Variants in CABLES1 observed in about 807,000 individuals in gnomAD.
CABLES1 encodes the protein Cdk5 and Abl enzyme substrate 1, also known as CDK5 and ABL1 enzyme substrate 1.
A neutral mutation model predicts 57.8 loss-of-function variants in CABLES1; 36 were observed. The observed-to-expected ratio is 0.62, with a 90% CI of 0.48 to 0.82. CABLES1 has a LOEUF of 0.82. Ranked by LOEUF, CABLES1 falls within the 40% of genes least tolerant of loss-of-function variation. CABLES1 has a pLI of 0.00. For missense variants in CABLES1, 767 were observed against 836.6 expected (o/e 0.92, Z 1.03); for synonymous variants, 374 against 363.0 (o/e 1.03, Z -0.35).
chr18:23,252,839 CCAATGCAAG>C (rs1201471276), intron 7 of CABLES1, 112 bp from the exon 8 acceptor site: 1 of 644,282 alleles, frequency 1.6e-6, no homozygotes, highest in East Asian at 2.9e-5. Flanking sequence ...TGTTGTAGCT[CCAATGCAAG>C]TTTTCCCGTT....
At position 23,176,863 on chromosome 18, in the gene CABLES1, G is replaced by C. The variant is rs199889665; in HGVS notation, c.846-11975G>C. Among the ~76,000 whole-genome samples the C allele has an allele frequency of 3.9e-5, 6 of 152,228 alleles. No homozygotes were observed. The East Asian group carries it at 1.2e-3, about 29-fold the overall frequency. On this transcript the variant is annotated intron_variant, in intron 1 of 9. Transcript: ENST00000256925. ...GAGGAAGGTCATGCTGGACACCAAG[G>C]GGGAGACTCCAGGGAGCGTTTTACT...
intron 7 of CABLES1, among the ~76,000 whole-genome samples, chr18:23,239,272 C>T (rs1000851368): frequency 6.6e-6 from 1 of 152,230 alleles, no homozygotes; most frequent in Non-Finnish European, 1.5e-5. Flanking sequence ...AATTTCACTG[C>T]ATTGGCTCTG....
intron 2 of CABLES1, 109 bp downstream of exon 2, chr18:23,189,018 A>G (rs997878405): frequency 2.2e-5 from 16 of 711,470 alleles, no homozygotes; most frequent in Admixed American, 1.1e-4. Flanking sequence ...AAAAATAACC[A>G]TCTGAACTCC....
In CABLES1 at chr18:23,135,854, C is replaced by CGCCGCCGCAGCCCCAGCCTCAGCCCGCG. The variant is rs2046814887; in HGVS notation, c.101_128dup (p.Pro44AlafsTer265). 1 of 988,848 alleles carries CGCCGCCGCAGCCCCAGCCTCAGCCCGCG rather than the reference C, an allele frequency of 1.0e-6. No homozygotes were observed. The highest frequency in any genetic ancestry group is 1.2e-6 in the Non-Finnish European group (1 of 829,312). The allele number at this position is 988,848 out of a possible 1,614,324, so 61.3% of individuals were successfully genotyped here. A position where few individuals can be genotyped will look rare whatever the true frequency, so the allele number is the denominator to read the frequency against. On this transcript the variant is annotated frameshift_variant, in exon 1 of 10. Coordinates refer to ENST00000256925, the MANE Select transcript of CABLES1 (RefSeq NM_001100619.3). LOFTEE classifies it high-confidence loss of function. Reference sequence around the variant, plus strand: ...GCGGGCGCCAGCGGATTGCAGCAGCCGCCGCCGCAGCCCCAGCCTCAGCCC... The same window carrying CGCCGCCGCAGCCCCAGCCTCAGCCCGCG: ...GCGGGCGCCAGCGGATTGCAGCAGCCGCCGCCGCAGCCCCAGCCTCAGCCCGCGGCCGCCGCAGCCCCAGCCTCAGCCC...
intron 4 of CABLES1, among the ~76,000 whole-genome samples, chr18:23,222,540 CTCTA>C (rs1329196178): frequency 4.0e-5 from 6 of 148,174 alleles, no homozygotes; most frequent in Non-Finnish European, 7.4e-5. Flanking sequence ...CTGTCTCTCT[CTCTA>C]TATATATCTA....
At chr18:23,205,211 G>T (rs12965232) in intron 3 of CABLES1, among the ~76,000 whole-genome samples, 1 of 129,836 alleles carries the variant, frequency 7.7e-6, no homozygotes. Flanking sequence ...TTTTTGAGAC[G>T]GCATCTCCCT....
chr18:23,177,357 T>C (rs1003282486), intron 1 of CABLES1, among the ~76,000 whole-genome samples: 1 of 151,746 alleles, frequency 6.6e-6, no homozygotes, highest in Non-Finnish European at 1.5e-5. Context: ...GAAGTGTTCG[T>C]AGCCCTGTAC....
chr18:23,191,514 T>C (rs2047242580), intron 2 of CABLES1, among the ~76,000 whole-genome samples: 1 of 152,140 alleles, frequency 6.6e-6, no homozygotes, highest in Non-Finnish European at 1.5e-5. Context: ...GTAACACCAA[T>C]AATGATGCTG....
chr18:23,178,415 A>T lies in CABLES1; in HGVS notation c.846-10423A>T, dbSNP rs574210997. Among the ~76,000 whole-genome samples the T allele has an allele frequency of 5.9e-5, 9 of 152,196 alleles. No individual in the cohort carries two copies. The South Asian group carries it at 1.9e-3, about 32-fold the overall frequency. ...CCTGATACCCTAAGGCTGTCCAGGG[A>T]CCCTGGGCTGGCCGCCTGATGTCCT... On this transcript the variant is annotated intron_variant, in intron 1 of 9. Transcript: ENST00000256925.
At chr18:23,168,063 G>T (rs1432608377) in intron 1 of CABLES1, among the ~76,000 whole-genome samples, 1 of 152,208 alleles carries the variant, frequency 6.6e-6, no homozygotes, top group African/African-American at 2.4e-5. Context: ...GGCCCCTCAG[G>T]GCGATCTGAG....
At chr18:23,244,036 G>A (rs2047812077) in intron 7 of CABLES1, among the ~76,000 whole-genome samples, 1 of 152,128 alleles carries the variant, frequency 6.6e-6, no homozygotes, top group Non-Finnish European at 1.5e-5. Context: ...CTATGTATTT[G>A]TCTCGGATTT....
chr18:23,236,661 C>A (rs935234963), intron 6 of CABLES1, among the ~76,000 whole-genome samples: 4 of 152,202 alleles, frequency 2.6e-5, no homozygotes, highest in Admixed American at 2.0e-4. Context: ...TCCTAGTGTT[C>A]CGGCCACCTC....
intron 7 of CABLES1, among the ~76,000 whole-genome samples, chr18:23,248,479 C>T (rs1029630412): frequency 4.4e-4 from 64 of 144,894 alleles, no homozygotes; most frequent in African/African-American, 1.6e-3. Context: ...CAGGATTTAG[C>T]GTCCCACCTG....
chr18:23,230,382 CAAAA>C (rs1392411684), intron 4 of CABLES1, among the ~76,000 whole-genome samples: 1 of 151,906 alleles, frequency 6.6e-6, no homozygotes, highest in Non-Finnish European at 1.5e-5. Flanking sequence ...AAAACAAAAA[CAAAA>C]AAAACCTATA....
At chr18:23,216,967 G>C (rs1258273051) in intron 4 of CABLES1, among the ~76,000 whole-genome samples, 1 of 152,208 alleles carries the variant, frequency 6.6e-6, no homozygotes, top group Non-Finnish European at 1.5e-5. Flanking sequence ...CAAAATGAGT[G>C]TGTGGGATCC....
intron 7 of CABLES1, among the ~76,000 whole-genome samples, chr18:23,247,774 GCAGA>G (rs770276321): frequency 6.6e-6 from 1 of 152,370 alleles, no homozygotes; most frequent in Non-Finnish European, 1.5e-5. Context: ...AGAGAGCACA[GCAGA>G]CAGGAGGCCA....
intron 1 of CABLES1, among the ~76,000 whole-genome samples, chr18:23,184,142 T>C (rs1490668826): frequency 2.6e-5 from 4 of 152,192 alleles, no homozygotes; most frequent in Non-Finnish European, 5.9e-5. Context: ...TTCCAAGTTC[T>C]CTTCTTTGTC....
At chr18:23,230,099 C>T (rs906461441) in intron 4 of CABLES1, among the ~76,000 whole-genome samples, 10 of 152,154 alleles carry the variant, frequency 6.6e-5, no homozygotes, top group Non-Finnish European at 1.0e-4. Context: ...AAGGGCCAGG[C>T]GCGGTGGCTC....
intron 3 of CABLES1, among the ~76,000 whole-genome samples, chr18:23,211,402 G>A (rs920137506): frequency 1.3e-5 from 2 of 152,196 alleles, no homozygotes; most frequent in South Asian, 4.1e-4. Flanking sequence ...GGCAGTGAGG[G>A]TGTGGAGAGC....
Sources: gnomAD v4.1 joint callset for allele counts (sites outside exome capture counted in the v4.1 genomes callset) on GRCh38, gnomAD v4.1.1 for gene constraint, MANE v1.5 for transcripts, NCBI Gene and HGNC (gene_info 2026-07-23, HGNC 2026-07-21) for gene names.